The following SATB2 variants were observed in gnomAD, a reference collection of about 807,000 sequenced individuals.
SATB2 encodes DNA-binding protein SATB2.
A neutral mutation model predicts 73.4 loss-of-function variants in SATB2; 1 was observed. That is an observed-to-expected ratio of 0.01 (90% CI 0.00 to 0.06). The LOEUF (loss-of-function observed/expected upper bound fraction) is 0.06. Ranked by LOEUF, SATB2 falls within the 10% of genes least tolerant of loss-of-function variation. SATB2 has a pLI of 1.00. For missense variants in SATB2, 459 were observed against 945.8 expected, an observed-to-expected ratio of 0.49 and a Z score of 6.75; for synonymous variants, 397 against 367.0, an observed-to-expected ratio of 1.08 and a Z score of -0.93.
intron 3 of SATB2, among the ~76,000 whole-genome samples, chr2:199,406,773 GA>G (rs964414467): frequency 6.7e-6 from 1 of 149,310 alleles, no homozygotes; most frequent in Non-Finnish European, 1.5e-5. Context: ...CTGAAAAGCT[GA>G]AAAAAAAATG....
upstream of SATB2, chr2:199,468,402 C>T (rs957214323): frequency 2.0e-5 from 3 of 151,814 alleles, no homozygotes; most frequent in Non-Finnish European, 4.4e-5. Flanking sequence ...GCTTGTAGCT[C>T]TTTCCTACTC....
chr2:199,468,408 T>C (rs1397079699), upstream of SATB2: 1 of 152,190 alleles, frequency 6.6e-6, no homozygotes, highest in Non-Finnish European at 1.5e-5. Context: ...AGCTCTTTCC[T>C]ACTCTGCCAC....
intron 7 of SATB2, among the ~76,000 whole-genome samples, chr2:199,337,553 A>G (rs1314890008): frequency 1.3e-5 from 2 of 152,176 alleles, no homozygotes; most frequent in Non-Finnish European, 2.9e-5. Context: ...AAACATACAG[A>G]TAGGGAGAGG....
chr2:199,332,263 C>T (rs976432739), intron 7 of SATB2, among the ~76,000 whole-genome samples: 2 of 151,964 alleles, frequency 1.3e-5, no homozygotes, highest in African/African-American at 2.4e-5. Context: ...CAGTGTTAGC[C>T]GAGATTATGT....
chr2:199,333,859 T>G lies in SATB2; in HGVS notation c.1174-4949A>C, dbSNP rs192340701. Among the ~76,000 whole-genome samples, 135 of 152,298 alleles carry G rather than the reference T, an allele frequency of 8.9e-4. No homozygotes were observed. The Middle Eastern group carries it at 0.017, about 19-fold the overall frequency. ...ACTTAATGAGGCATAATTTATTTTT[T>G]AAAGTGATATACACCAGGTGTGTAC... is the stretch of plus-strand genomic sequence containing the variant. On this transcript the variant is annotated intron_variant, in intron 7 of 10. Coordinates refer to ENST00000417098, the MANE Select transcript of SATB2 (RefSeq NM_001172509.2).
intron 7 of SATB2, among the ~76,000 whole-genome samples, chr2:199,342,164 C>T (rs894176751): frequency 6.6e-6 from 1 of 151,936 alleles, no homozygotes; most frequent in Non-Finnish European, 1.5e-5. Flanking sequence ...AACCATGGGC[C>T]GGGGAGCGGG....
intron 6 of SATB2, among the ~76,000 whole-genome samples, chr2:199,366,184 G>A (rs939562709): frequency 6.6e-6 from 1 of 152,048 alleles, no homozygotes; most frequent in African/African-American, 2.4e-5. Context: ...AGGCTGAGAG[G>A]GACATGGAAC....
intron 7 of SATB2, 132 bp from the exon 8 acceptor site, chr2:199,329,042 T>A (rs1307681873): frequency 1.4e-6 from 1 of 723,002 alleles, no homozygotes; most frequent in East Asian, 2.7e-5. Context: ...TCACACTAAT[T>A]CCTTAGGGTT....
intron 3 of SATB2, among the ~76,000 whole-genome samples, chr2:199,424,364 C>G (rs1013289699): frequency 3.9e-5 from 6 of 152,154 alleles, no homozygotes; most frequent in African/African-American, 1.4e-4. Context: ...TCACTTTTCA[C>G]TCCTGCCTCT....
chr2:199,392,409 T>C (rs530550557), intron 3 of SATB2, among the ~76,000 whole-genome samples: 64 of 146,638 alleles, frequency 4.4e-4, no homozygotes, highest in Non-Finnish European at 7.6e-4. Context: ...GAATAGACAA[T>C]ACCCAGGAAA....
intron 3 of SATB2, among the ~76,000 whole-genome samples, chr2:199,395,590 T>C (rs1690277213): frequency 6.6e-6 from 1 of 152,188 alleles, no homozygotes; most frequent in Admixed American, 6.5e-5. Context: ...AATGCTTGTA[T>C]AATAATATTG....
chr2:199,448,405 G>A (rs891041654), intron 2 of SATB2, among the ~76,000 whole-genome samples: 7 of 151,504 alleles, frequency 4.6e-5, no homozygotes, highest in African/African-American at 9.7e-5. Context: ...ATTTTCTTGT[G>A]TTAAAAAAAA....
chr2:199,273,580 G>A (rs906781719), intron 10 of SATB2, among the ~76,000 whole-genome samples: 6 of 152,116 alleles, frequency 3.9e-5, no homozygotes, highest in Admixed American at 1.3e-4. Flanking sequence ...TTTTTAGAAT[G>A]AGAAAATATT....
intron 10 of SATB2, among the ~76,000 whole-genome samples, chr2:199,296,779 A>G (rs1055403901): frequency 1.1e-4 from 17 of 152,224 alleles, no homozygotes; most frequent in Non-Finnish European, 2.1e-4. Context: ...TCACACACTC[A>G]GCCCTAGGAC....
chr2:199,272,278 T>A lies in SATB2; in HGVS notation c.2135A>T (p.Lys712Ile). 1.2e-6 allele frequency: 2 copies of A among 1,614,198 alleles called. No individual in the cohort carries two copies. The highest frequency in any genetic ancestry group is 1.7e-6 in the Non-Finnish European group (2 of 1,180,020). Residue 712 changes from lysine to isoleucine, a missense_variant, in exon 11 of 11, where the codon AAA (lysine) becomes ATA (isoleucine). Physicochemically the swap from Lys to Ile is moderately radical, Grantham distance 102 (BLOSUM62 -3). Coordinates refer to ENST00000417098, the MANE Select transcript of SATB2 (RefSeq NM_001172509.2). The surrounding 1 kb of genome is among the most constrained non-coding windows in gnomAD (Gnocchi z 6.7). ...DSEEGSEEMY[K>I]VEAEEENADK... ...AGCATTTTCCTCCTCAGCCTCCACT[T>A]TGTACATCTCCTCGGAGCCTTCCTC...
At chr2:199,343,314 A>C (rs1466306939) in intron 7 of SATB2, among the ~76,000 whole-genome samples, 5 of 152,234 alleles carry the variant, frequency 3.3e-5, no homozygotes, top group Non-Finnish European at 7.3e-5. Flanking sequence ...TTGATAATAT[A>C]TGAATAATAG....
chr2:199,452,676 A>G (rs1342528755), intron 2 of SATB2, among the ~76,000 whole-genome samples: 2 of 152,144 alleles, frequency 1.3e-5, no homozygotes, highest in Non-Finnish European at 2.9e-5. Context: ...AGTGAATGTT[A>G]CCCAGCAGGG....
In SATB2 at chr2:199,457,644, G is replaced by C. The variant is rs1692327471; in HGVS notation, c.-365C>G. ...GCGGGGGAGGGGACGGCGGAGGAGG[G>C]GGGAAGAGAAGGAGGCTGAAAGAGC... On this transcript the variant is annotated 5_prime_UTR_variant, in exon 1 of 11. Coordinates refer to ENST00000417098, the MANE Select transcript of SATB2 (RefSeq NM_001172509.2). This position sits in a 1 kb window ranked among gnomAD's most constrained non-coding sequence, Gnocchi z 4.8. The C allele has an allele frequency of 6.5e-6, 1 of 153,552 alleles. No homozygotes were observed. The highest frequency in any genetic ancestry group is 1.5e-5 in the Non-Finnish European group (1 of 68,580). 9.5% of individuals were successfully genotyped at this position (153,552 alleles called of 1,614,324 possible).
chr2:199,466,503 G>A (rs997753412), upstream of SATB2, among the ~76,000 whole-genome samples: 1 of 152,152 alleles, frequency 6.6e-6, no homozygotes. Context: ...TCCCAGCACT[G>A]TCTCTCAGTA....
Sources: gnomAD v4.1 joint callset for allele counts (sites outside exome capture counted in the v4.1 genomes callset) on GRCh38, gnomAD v4.1.1 for gene constraint, Gnocchi (gnomAD v3.1) non-coding constraint, MANE v1.5 for transcripts, NCBI Gene and HGNC (gene_info 2026-07-23, HGNC 2026-07-21) for gene names.